GLO1: variants seen among roughly 807,000 people sequenced by gnomAD.
GLO1 encodes the protein lactoylglutathione lyase.
A neutral mutation model predicts 26.0 loss-of-function variants in GLO1; 28 were observed. The observed-to-expected ratio is 1.08, with a 90% CI of 0.80 to 1.48. The LOEUF (loss-of-function observed/expected upper bound fraction) is 1.48. GLO1 is among the 40% of genes most tolerant of loss of function. The pLI is 0.00. For synonymous variants in GLO1, 78 were observed against 77.6 expected (o/e 1.00, Z -0.03); for missense variants, 225 against 224.8 (o/e 1.00, Z -0.01).
rs183541528 is a variant in GLO1 at position 38,679,946 on chromosome 6, T to C, written c.466+2066A>G. Among the ~76,000 whole-genome samples, 53 of 152,294 alleles carry C rather than the reference T, an allele frequency of 3.5e-4. No homozygotes were observed. In the Middle Eastern group the frequency reaches 0.01, roughly 29 times the overall value. Reference sequence around the variant, plus strand: ...TGAATTAAATATCAGAACAGATACATTTGGGAGAAAATTAGCTAATTGGTA... The same window carrying C: ...TGAATTAAATATCAGAACAGATACACTTGGGAGAAAATTAGCTAATTGGTA... On this transcript the variant is annotated intron_variant, in intron 5 of 5. Transcript: ENST00000373365.
At chr6:38,698,036 C>T (rs1761637046) in intron 1 of GLO1, among the ~76,000 whole-genome samples, 1 of 152,198 alleles carries the variant, frequency 6.6e-6, no homozygotes, top group Non-Finnish European at 1.5e-5. Flanking sequence ...TTCTCTAACA[C>T]CAACGGTTAT....
chr6:38,683,331 G>T (rs1309030069), intron 3 of GLO1: 4 of 153,292 alleles, frequency 2.6e-5, no homozygotes, highest in Non-Finnish European at 5.8e-5. Flanking sequence ...TTTAAAGTAT[G>T]CAGATAAACA....
intron 5 of GLO1, among the ~76,000 whole-genome samples, chr6:38,679,182 G>A (rs1422504273): frequency 6.6e-6 from 1 of 151,952 alleles, no homozygotes; most frequent in Non-Finnish European, 1.5e-5. Context: ...GAAGTACAGT[G>A]GATCATAGCT....
chr6:38,682,243 T>A lies in GLO1; in HGVS notation c.377-142A>T, dbSNP rs1761392852. On this transcript the variant is annotated intron_variant, in intron 4 of 5. Transcript: ENST00000373365. ...AACAGACTTAGGTAGGTTCAAAATC[T>A]ATAATACATTAAAGAACAAATATAG... 4.9e-6 allele frequency: 3 copies of A among 618,190 alleles called. No homozygotes were observed. In the South Asian group the frequency reaches 6.0e-5, roughly 12 times the overall value. 38.3% of individuals were successfully genotyped at this position (618,190 alleles called of 1,614,324 possible). A position where few individuals can be genotyped will look rare whatever the true frequency, so the allele number is the denominator to read the frequency against.
intron 1 of GLO1, among the ~76,000 whole-genome samples, chr6:38,687,543 A>G (rs1470819611): frequency 4.6e-5 from 7 of 152,246 alleles, no homozygotes; most frequent in Non-Finnish European, 8.8e-5. Flanking sequence ...AGAGTTACTC[A>G]CAAGATCCTA....
chr6:38,684,213 A>G (rs2472001), intron 3 of GLO1, among the ~76,000 whole-genome samples, 161 bp downstream of exon 3: 1 of 152,198 alleles, frequency 6.6e-6, no homozygotes, highest in Non-Finnish European at 1.5e-5. Context: ...CAATACAAAG[A>G]TCAAAAGATG....
In GLO1 at chr6:38,697,061, C is replaced by T. The variant is rs150012878; in HGVS notation, c.84+5910G>A. Among the ~76,000 whole-genome samples the T allele has an allele frequency of 3.1e-3, 468 of 152,128 alleles. 1 individual carries two copies. The highest frequency in any genetic ancestry group is 9.9e-3 in the African/African-American group (412 of 41,504). On this transcript the variant is annotated intron_variant, in intron 1 of 5. Coordinates refer to ENST00000373365, the MANE Select transcript of GLO1 (RefSeq NM_006708.3). ...CTGAGTAGCTGGGATTACAGGCACG[C>T]GCCACCATGTCTGGCTAATTTTTTT... is the stretch of plus-strand genomic sequence containing the variant.
chr6:38,692,465 CA>C (rs1474897511), intron 1 of GLO1, among the ~76,000 whole-genome samples: 2 of 152,128 alleles, frequency 1.3e-5, no homozygotes, highest in Non-Finnish European at 2.9e-5. Context: ...CCTATGTAGA[CA>C]ATCATGTCAT....
At chr6:38,678,377 A>G (rs1761302324) in intron 5 of GLO1, among the ~76,000 whole-genome samples, 1 of 151,366 alleles carries the variant, frequency 6.6e-6, no homozygotes, top group East Asian at 1.9e-4. Flanking sequence ...AGGGAGGGAG[A>G]GAGAGGAAGG....
At chr6:38,679,981 G>A (rs1197116753) in intron 5 of GLO1, among the ~76,000 whole-genome samples, 2 of 152,194 alleles carry the variant, frequency 1.3e-5, no homozygotes, top group South Asian at 2.1e-4. Context: ...ATTCCAGTTT[G>A]AGGAAATCTC....
intron 1 of GLO1, among the ~76,000 whole-genome samples, chr6:38,698,642 G>A (rs1761645212): frequency 6.9e-6 from 1 of 145,902 alleles, no homozygotes; most frequent in Non-Finnish European, 1.5e-5. Flanking sequence ...TCACTACTTG[G>A]AAGGAGAACC....
At chr6:38,683,040 C>T (rs915014512) in intron 3 of GLO1, 165 bp from the exon 4 acceptor site, 4 of 564,478 alleles carry the variant, frequency 7.1e-6, no homozygotes, top group Non-Finnish European at 1.3e-5. Flanking sequence ...GACAAATGGC[C>T]AAAGTATGAT....
At chr6:38,698,423 CAT>C (rs972705097) in intron 1 of GLO1, among the ~76,000 whole-genome samples, 7 of 147,002 alleles carry the variant, frequency 4.8e-5, no homozygotes, top group South Asian at 2.1e-4. Flanking sequence ...GGGACCCCAT[CAT>C]ATATATATAT....
At chr6:38,682,721 T>C in intron 4 of GLO1, 87 bp downstream of exon 4, 2 of 680,700 alleles carry the variant, frequency 2.9e-6, no homozygotes, top group Non-Finnish European at 5.3e-6. Flanking sequence ...AGGACATTAA[T>C]GTTTTAGGTT....
At chr6:38,685,549 C>T (rs1461650370) in intron 2 of GLO1, among the ~76,000 whole-genome samples, 1 of 152,122 alleles carries the variant, frequency 6.6e-6, no homozygotes, top group Admixed American at 6.5e-5. Context: ...GTTCTGCTTC[C>T]AATCTTTTAT....
At position 38,684,402 on chromosome 6, in the gene GLO1, A is replaced by G. The variant is rs1450318500; in HGVS notation, c.280T>C (p.Ser94Pro). ...EKDEKIAWAL[S>P]RKATLELTHN... ...GTCAGCTCAAGTGTAGCTTTTCTGG[A>G]GAGCGCCCAGGCTATTTTTTCATCT... The change falls in exon 3 of 6, where the codon TCC (serine) becomes CCC (proline). Residue 94 changes from serine (S) to proline (P), a missense_variant. By Grantham distance (74) the Ser-to-Pro change is moderately conservative. Coordinates refer to ENST00000373365, the MANE Select transcript of GLO1 (RefSeq NM_006708.3). 5 of 1,546,658 alleles carry G rather than the reference A, an allele frequency of 3.2e-6. No homozygotes were observed. Among genetic ancestry groups the G allele is most frequent in the African/African-American group, 1.4e-5 (1 of 72,032 alleles).
intron 1 of GLO1, 135 bp from the exon 2 acceptor site, chr6:38,687,109 G>A (rs748527107): frequency 1.0e-5 from 15 of 1,429,076 alleles, no homozygotes; most frequent in Admixed American, 9.0e-5. Flanking sequence ...TCTGCTCAGT[G>A]GTATCTTCTG....
chr6:38,694,679 C>CA (rs533121970), intron 1 of GLO1, among the ~76,000 whole-genome samples: 2,230 of 141,480 alleles, frequency 0.016, 51 homozygotes, highest in African/African-American at 0.05. Flanking sequence ...CACCCTATCT[C>CA]AAAAAAAAAA....
At chr6:38,695,299 T>A (rs1278717872) in intron 1 of GLO1, among the ~76,000 whole-genome samples, 1 of 152,098 alleles carries the variant, frequency 6.6e-6, no homozygotes, top group African/African-American at 2.4e-5. Context: ...TATATATGTA[T>A]ATACATATGG....
Sources: allele counts gnomAD v4.1 joint callset (sites outside exome capture counted in the v4.1 genomes callset), GRCh38; gene constraint gnomAD v4.1.1; transcripts MANE v1.5; gene names NCBI Gene and HGNC (gene_info 2026-07-23, HGNC 2026-07-21).